Variants in PSMB2 observed in about 807,000 individuals in gnomAD.
PSMB2 encodes proteasome 20S subunit beta 2.
Under a neutral mutation model 25.7 loss-of-function variants are expected in PSMB2, and 13 were observed. The ratio of observed to expected loss-of-function variants is 0.51; its 90% confidence interval spans 0.33 to 0.80. The LOEUF is 0.80. Among genes scored for constraint, PSMB2 ranks in the 30% least tolerant of loss-of-function variants. The probability of loss-of-function intolerance (pLI) is 0.02; values close to 1 mark genes in which losing one functional copy is unlikely to be tolerated. For missense variants in PSMB2, 202 were observed against 259.0 expected (o/e 0.78, Z 1.51); for synonymous variants, 87 against 96.2 (o/e 0.90, Z 0.56).
At chr1:35,605,045 A>G (rs567963391) in intron 5 of PSMB2, among the ~76,000 whole-genome samples, 188 bp downstream of exon 5, 1 of 152,358 alleles carries the variant, frequency 6.6e-6, no homozygotes, top group Admixed American at 6.5e-5. Context: ...TGAGGAGGTA[A>G]TCTGTGAGAG....
chr1:35,605,343 G>A, intron 4 of PSMB2, 61 bp from the exon 5 acceptor site: 1 of 1,525,760 alleles, frequency 6.6e-7, no homozygotes, highest in South Asian at 1.1e-5. Context: ...ACTCTCAGAA[G>A]CTTTTGATTA....
intron 4 of PSMB2, among the ~76,000 whole-genome samples, 183 bp downstream of exon 4, chr1:35,609,063 T>C (rs1020954383): frequency 6.6e-6 from 1 of 152,212 alleles, no homozygotes; most frequent in East Asian, 1.9e-4. Flanking sequence ...AGAACTTACA[T>C]CAGCTTTTGG....
rs1649974456 is a variant in PSMB2 at position 35,600,940 on chromosome 1, A to C, written c.*2327T>G. 4 of 984,800 alleles carry C rather than the reference A, an allele frequency of 4.1e-6. No individual in the cohort carries two copies. The South Asian group carries it at 1.9e-4, about 46-fold the overall frequency. 61.0% of individuals were successfully genotyped at this position (984,800 alleles called of 1,614,324 possible). On this transcript the variant is annotated 3_prime_UTR_variant, in exon 6 of 6. Transcript: ENST00000373237. ...ATTACTTCATGGAATTCTCATATCT[A>C]CCACATAGAATAGGTGCTATTTCAG...
In PSMB2 at chr1:35,599,715, C is replaced by T; in HGVS notation, c.*3552G>A. On this transcript the variant is annotated 3_prime_UTR_variant, in exon 6 of 6. Transcript: ENST00000373237. ...GGGCAGAGAGGAATGGATGGTGAAA[C>T]TAGTTTTTTAAAATATGGAGAAAGA... 1 of 985,012 alleles carries T rather than the reference C, an allele frequency of 1.0e-6. No homozygotes were observed. Among genetic ancestry groups the T allele is most frequent in the South Asian group, 4.7e-5 (1 of 21,268 alleles). 61.0% of individuals were successfully genotyped at this position (985,012 alleles called of 1,614,324 possible). A position where few individuals can be genotyped will look rare whatever the true frequency, so the allele number is the denominator to read the frequency against.
intron 3 of PSMB2, among the ~76,000 whole-genome samples, chr1:35,611,023 T>A (rs1208313770): frequency 1.3e-5 from 2 of 152,188 alleles, no homozygotes; most frequent in African/African-American, 4.8e-5. Flanking sequence ...CCATTTACCA[T>A]GTTAAATTCA....
At chr1:35,622,783 A>G (rs915697244) in intron 3 of PSMB2, among the ~76,000 whole-genome samples, 19 of 151,436 alleles carry the variant, frequency 1.3e-4, no homozygotes, top group Non-Finnish European at 2.4e-4. Flanking sequence ...ACTCCTAACT[A>G]GCTAGGGCTA....
intron 3 of PSMB2, among the ~76,000 whole-genome samples, chr1:35,610,798 G>C (rs186938332): frequency 6.6e-6 from 1 of 152,256 alleles, no homozygotes. Context: ...CCGGCCATAA[G>C]TCTCAAATAT....
chr1:35,624,752 CA>C (rs996110050), intron 3 of PSMB2, among the ~76,000 whole-genome samples: 15 of 149,490 alleles, frequency 1.0e-4, no homozygotes, highest in African/African-American at 7.4e-5. Context: ...GACTCTGTCT[CA>C]AAAAAAACAA....
chr1:35,612,376 C>T lies in PSMB2; in HGVS notation c.286-2968G>A, dbSNP rs528022366. Among the ~76,000 whole-genome samples, 5 of 151,738 alleles carry T rather than the reference C, an allele frequency of 3.3e-5. No homozygotes were observed. In the South Asian group the frequency reaches 8.3e-4, roughly 25 times the overall value. ...GAAATATAATGAGAAAAAATAATAA[C>T]GGTAAAACAACCCAAACTCTGGAAG... On this transcript the variant is annotated intron_variant, in intron 3 of 5. Coordinates refer to ENST00000373237, the MANE Select transcript of PSMB2 (RefSeq NM_002794.5).
At chr1:35,612,527 A>G (rs1028054894) in intron 3 of PSMB2, among the ~76,000 whole-genome samples, 3 of 152,220 alleles carry the variant, frequency 2.0e-5, no homozygotes, top group Non-Finnish European at 4.4e-5. Flanking sequence ...TTAGTTATAT[A>G]TAAGTGTGAA....
At chr1:35,606,831 T>C (rs1442006833) in intron 4 of PSMB2, among the ~76,000 whole-genome samples, 1 of 152,186 alleles carries the variant, frequency 6.6e-6, no homozygotes, top group African/African-American at 2.4e-5. Flanking sequence ...CAAAACAGTA[T>C]GCTACTGGCA....
Position 35,636,354 on chromosome 1 carries a change from G to A in PSMB2, c.170C>T (p.Ala57Val). ...TTGCACGTTTTTCTGAATATATTCT[G>A]CAAACTGTACAGTGTCTCCAGCCTC... ...VGEAGDTVQFAEYIQKNVQLY... is the reference protein window; with the variant it reads ...VGEAGDTVQFVEYIQKNVQLY... The change falls in exon 2 of 6, where the codon GCA (alanine) becomes GTA (valine). Residue 57 changes from alanine (A) to valine (V), a missense_variant. By Grantham distance (64) the Ala-to-Val change is moderately conservative (BLOSUM62 0). Transcript: ENST00000373237. 1.2e-6 allele frequency: 2 copies of A among 1,613,998 alleles called. No individual in the cohort carries two copies. The highest frequency in any genetic ancestry group is 1.7e-6 in the Non-Finnish European group (2 of 1,179,972).
chr1:35,641,319 G>A (rs1486884858), intron 1 of PSMB2, 23 bp downstream of exon 1: 3 of 1,613,664 alleles, frequency 1.9e-6, no homozygotes, highest in South Asian at 1.1e-5. Flanking sequence ...AGGCCTGGCC[G>A]GGCCTCCCCT....
At chr1:35,614,412 G>T (rs955289283) in intron 3 of PSMB2, among the ~76,000 whole-genome samples, 4 of 152,142 alleles carry the variant, frequency 2.6e-5, no homozygotes, top group African/African-American at 9.7e-5. Flanking sequence ...CCTTCGCAAA[G>T]ATTACCAAGA....
Position 35,609,421 on chromosome 1 carries a change from G to T in PSMB2, c.286-13C>A. On this transcript the variant is annotated splice_polypyrimidine_tract_variant and intron_variant, in intron 3 of 5. Transcript: ENST00000373237. ...CATGATATGGGGTCTGCAAAGAAAA[G>T]ATATGGCAAAGTGATAACTAAAGCA... is the stretch of plus-strand genomic sequence containing the variant. 6.7e-7 allele frequency: 1 copy of T among 1,488,450 alleles called. No homozygotes were observed. Among genetic ancestry groups the T allele is most frequent in the African/African-American group, 1.4e-5 (1 of 70,256 alleles). The allele number at this position is 1,488,450 out of a possible 1,614,324, so 92.2% of individuals were successfully genotyped here.
In PSMB2 at chr1:35,636,407, A is replaced by G; in HGVS notation, c.117T>C (p.Ser39=). The part of the protein sequence containing the change: ...KDDHDKMFKM[S]EKILLLCVGE... ...CAACACACAGGAGTAATATCTTTTC[A>G]CTCATCTTAAACATCTTGTCATGAT... The change falls in exon 2 of 6, where the codon AGT becomes AGC. Residue 39 remains serine, a synonymous_variant. Coordinates refer to ENST00000373237, the MANE Select transcript of PSMB2 (RefSeq NM_002794.5). The G allele has an allele frequency of 6.2e-7, 1 of 1,613,980 alleles. No homozygotes were observed. The highest frequency in any genetic ancestry group is 8.5e-7 in the Non-Finnish European group (1 of 1,179,942).
At chr1:35,626,007 T>G (rs1650849980) in intron 3 of PSMB2, among the ~76,000 whole-genome samples, 1 of 151,930 alleles carries the variant, frequency 6.6e-6, no homozygotes, top group Non-Finnish European at 1.5e-5. Flanking sequence ...TGGCTAATTT[T>G]TTGTATTTTT....
chr1:35,602,052 G>T lies in PSMB2; in HGVS notation c.*1215C>A. On this transcript the variant is annotated 3_prime_UTR_variant, in exon 6 of 6. Transcript: ENST00000373237. Reference sequence around the variant, plus strand: ...ATGCAGAACTTAAAAATACTTTTTAGCCGGGCACGGTGGCTCACGCCTGTA... The same window carrying T: ...ATGCAGAACTTAAAAATACTTTTTATCCGGGCACGGTGGCTCACGCCTGTA... The T allele has an allele frequency of 1.6e-6, 1 of 631,698 alleles. No homozygotes were observed. The highest frequency in any genetic ancestry group is 2.0e-6 in the Non-Finnish European group (1 of 507,340). 39.1% of individuals were successfully genotyped at this position (631,698 alleles called of 1,614,324 possible).
At chr1:35,612,429 A>G (rs918406106) in intron 3 of PSMB2, among the ~76,000 whole-genome samples, 2 of 152,326 alleles carry the variant, frequency 1.3e-5, no homozygotes, top group East Asian at 1.9e-4. Context: ...TTCCTACTAC[A>G]TAACTACATC....
Sources: gnomAD v4.1 joint callset for allele counts (sites outside exome capture counted in the v4.1 genomes callset) on GRCh38, gnomAD v4.1.1 for gene constraint, MANE v1.5 for transcripts, NCBI Gene and HGNC (gene_info 2026-07-23, HGNC 2026-07-21) for gene names.